Variants in FSIP1 observed in about 807,000 individuals in gnomAD.
FSIP1 encodes the protein fibrous sheath interacting protein 1, also known as fibrous sheath-interacting protein 1.
Under a neutral mutation model 60.9 loss-of-function variants are expected in FSIP1, and 65 were observed. The ratio of observed to expected loss-of-function variants is 1.07; its 90% CI spans 0.87 to 1.31. FSIP1 has a LOEUF of 1.31. Ranked by LOEUF, FSIP1 falls within the 40% of genes most tolerant of loss-of-function variation. The pLI, the probability that FSIP1 is intolerant of heterozygous loss-of-function variation, is 0.00. For missense variants in FSIP1, 675 were observed against 665.5 expected (o/e 1.01, Z -0.16); for synonymous variants, 209 against 221.2 (o/e 0.94, Z 0.49).
chr15:39,766,917 G>C (rs1462202245), intron 3 of FSIP1, among the ~76,000 whole-genome samples: 1 of 152,060 alleles, frequency 6.6e-6, no homozygotes, highest in Non-Finnish European at 1.5e-5. Context: ...ATAGCTCACT[G>C]CAACCTCGAA....
At chr15:39,701,906 T>A (rs184589374) in intron 10 of FSIP1, among the ~76,000 whole-genome samples, 1 of 152,182 alleles carries the variant, frequency 6.6e-6, no homozygotes, top group African/African-American at 2.4e-5. Flanking sequence ...TACGTTTAAA[T>A]TATTGTGTTC....
At chr15:39,656,649 A>G (rs1343677241) in intron 10 of FSIP1, among the ~76,000 whole-genome samples, 2 of 152,264 alleles carry the variant, frequency 1.3e-5, no homozygotes, top group Admixed American at 6.5e-5. Flanking sequence ...AATCAAAACA[A>G]TTATGTGGAA....
At chr15:39,679,225 C>T (rs1021190316) in intron 10 of FSIP1, among the ~76,000 whole-genome samples, 1 of 152,092 alleles carries the variant, frequency 6.6e-6, no homozygotes, top group South Asian at 2.1e-4. Context: ...ATTACAGTAG[C>T]CAAGAAGTCC....
intron 9 of FSIP1, among the ~76,000 whole-genome samples, chr15:39,724,033 C>A (rs1896090178): frequency 6.6e-6 from 1 of 152,184 alleles, no homozygotes; most frequent in South Asian, 2.1e-4. Flanking sequence ...AACTACATTA[C>A]ATTTTTGTTT....
At chr15:39,660,632 A>G (rs1162559099) in intron 10 of FSIP1, among the ~76,000 whole-genome samples, 1 of 152,256 alleles carries the variant, frequency 6.6e-6, no homozygotes, top group Non-Finnish European at 1.5e-5. Context: ...TACTTGGTTA[A>G]AACAAAAGAT....
At chr15:39,711,978 C>T (rs1211306399) in intron 10 of FSIP1, among the ~76,000 whole-genome samples, 1 of 152,086 alleles carries the variant, frequency 6.6e-6, no homozygotes, top group Non-Finnish European at 1.5e-5. Flanking sequence ...TGAGCCACCG[C>T]ACCCAGCCCA....
chr15:39,705,440 G>A (rs980391923), intron 10 of FSIP1, among the ~76,000 whole-genome samples: 5 of 152,040 alleles, frequency 3.3e-5, no homozygotes, highest in African/African-American at 1.2e-4. Flanking sequence ...CCATCATTAT[G>A]TTAATGGATT....
chr15:39,643,548 T>C (rs1892462872), intron 10 of FSIP1, among the ~76,000 whole-genome samples: 1 of 152,176 alleles, frequency 6.6e-6, no homozygotes, highest in Non-Finnish European at 1.5e-5. Flanking sequence ...ACAAATAATA[T>C]AGAGTGTTTT....
At chr15:39,765,526 G>A in intron 4 of FSIP1, 66 bp downstream of exon 4, 1 of 1,256,150 alleles carries the variant, frequency 8.0e-7, no homozygotes, top group Non-Finnish European at 1.1e-6. Flanking sequence ...TTACAGGTGT[G>A]AGCCACCATG....
At chr15:39,776,038 A>G (rs909546426) in intron 2 of FSIP1, among the ~76,000 whole-genome samples, 1 of 151,450 alleles carries the variant, frequency 6.6e-6, no homozygotes, top group Non-Finnish European at 1.5e-5. Flanking sequence ...TTCCTTATAA[A>G]GAAAAAAAGA....
chr15:39,748,899 A>G (rs1216876714), intron 5 of FSIP1, among the ~76,000 whole-genome samples: 1 of 151,982 alleles, frequency 6.6e-6, no homozygotes, highest in Non-Finnish European at 1.5e-5. Context: ...CTGAAAAATC[A>G]AAATCAACAA....
Position 39,715,009 on chromosome 15 carries a change from A to C in FSIP1, c.1051-1428T>G, listed in dbSNP as rs372825778. 2.0e-4 allele frequency among the ~76,000 whole-genome samples: 31 copies of C among 151,824 alleles called. No individual in the cohort carries two copies. The South Asian group carries it at 6.5e-3, about 32-fold the overall frequency. On this transcript the variant is annotated intron_variant, in intron 9 of 11. Transcript: ENST00000350221. ...AAAAAAAAAGGACTAAGGACTAATA[A>C]ACTGAAGCACACCTACTTGAGAATT... is the stretch of plus-strand genomic sequence containing the variant.
intron 11 of FSIP1, among the ~76,000 whole-genome samples, chr15:39,603,816 C>T (rs1171692425): frequency 6.6e-6 from 1 of 152,170 alleles, no homozygotes; most frequent in Non-Finnish European, 1.5e-5. Flanking sequence ...TTTTGATAAT[C>T]CTAAAGTAGA....
At chr15:39,765,946 A>G (rs1192495939) in intron 3 of FSIP1, among the ~76,000 whole-genome samples, 200 bp from the exon 4 acceptor site, 1 of 152,236 alleles carries the variant, frequency 6.6e-6, no homozygotes, top group African/African-American at 2.4e-5. Flanking sequence ...CCTATGAAAC[A>G]GACATTTATC....
At chr15:39,713,333 G>A in intron 10 of FSIP1, 111 bp downstream of exon 10, 1 of 892,616 alleles carries the variant, frequency 1.1e-6, no homozygotes. Flanking sequence ...TTGGCAGGCT[G>A]AGGTGGGCAG....
intron 3 of FSIP1, among the ~76,000 whole-genome samples, chr15:39,766,502 A>T (rs1897694052): frequency 6.6e-6 from 1 of 152,234 alleles, no homozygotes; most frequent in South Asian, 2.1e-4. Context: ...CACTGTTCTC[A>T]TTTTACAAAT....
chr15:39,686,205 G>A (rs1174350787), intron 10 of FSIP1, among the ~76,000 whole-genome samples: 5 of 152,148 alleles, frequency 3.3e-5, no homozygotes, highest in Admixed American at 6.5e-5. Context: ...GAACACAGAC[G>A]TGATTATGTG....
At chr15:39,696,026 T>C (rs533849475) in intron 10 of FSIP1, among the ~76,000 whole-genome samples, 4 of 152,326 alleles carry the variant, frequency 2.6e-5, no homozygotes, top group East Asian at 1.9e-4. Flanking sequence ...AAACACACTC[T>C]AGAGATGATG....
chr15:39,691,693 G>C (rs1894607466), intron 10 of FSIP1, among the ~76,000 whole-genome samples: 1 of 152,160 alleles, frequency 6.6e-6, no homozygotes, highest in Non-Finnish European at 1.5e-5. Context: ...TTTTCATGGG[G>C]CTGGGGAAGT....
Sources: allele counts gnomAD v4.1 joint callset (sites outside exome capture counted in the v4.1 genomes callset), GRCh38; gene constraint gnomAD v4.1.1; transcripts MANE v1.5; gene names NCBI Gene and HGNC (gene_info 2026-07-23, HGNC 2026-07-21).